KIAA0232: variants seen among roughly 807,000 people sequenced by gnomAD.
KIAA0232 encodes KIAA0232.
A neutral mutation model predicts 122.0 loss-of-function variants in KIAA0232; 27 were observed. The observed-to-expected ratio is 0.22, with a 90% CI of 0.16 to 0.31. KIAA0232 has a LOEUF of 0.31. Among genes scored for constraint, KIAA0232 ranks in the 10% least tolerant of loss-of-function variants. The pLI is 1.00. For synonymous variants in KIAA0232, 613 were observed against 587.6 expected (o/e 1.04, Z -0.63); for missense variants, 1,551 against 1,634.2 (o/e 0.95, Z 0.88).
intron 3 of KIAA0232, among the ~76,000 whole-genome samples, chr4:6,825,855 A>G (rs1439003195): frequency 6.6e-6 from 1 of 152,200 alleles, no homozygotes; most frequent in Non-Finnish European, 1.5e-5. Flanking sequence ...GAGAGCAGGA[A>G]GGGTTTCATT....
At chr4:6,849,823 CAT>C (rs1392396473) in intron 4 of KIAA0232, among the ~76,000 whole-genome samples, 1 of 151,362 alleles carries the variant, frequency 6.6e-6, no homozygotes, top group African/African-American at 2.4e-5. Context: ...AAGGAAGGAA[CAT>C]CTTTGTGGTA....
intron 4 of KIAA0232, among the ~76,000 whole-genome samples, chr4:6,844,175 C>T (rs1251550748): frequency 4.0e-5 from 6 of 151,732 alleles, no homozygotes; most frequent in East Asian, 2.0e-4. Context: ...CTCCTGACCT[C>T]GTGATCCGTC....
At chr4:6,835,158 G>A (rs1719194478) in intron 3 of KIAA0232, among the ~76,000 whole-genome samples, 1 of 152,160 alleles carries the variant, frequency 6.6e-6, no homozygotes, top group South Asian at 2.1e-4. Flanking sequence ...GTTGACCAGA[G>A]CCTCTTCATG....
intron 2 of KIAA0232, among the ~76,000 whole-genome samples, chr4:6,811,043 A>T (rs1349698715): frequency 7.9e-5 from 12 of 152,234 alleles, no homozygotes; most frequent in Non-Finnish European, 1.8e-4. Flanking sequence ...GAGTATGGCG[A>T]TTTCTTAAAG....
At position 6,832,167 on chromosome 4, in the gene KIAA0232, T is replaced by A. The variant is rs529052152; in HGVS notation, c.231+7483T>A. Among the ~76,000 whole-genome samples the A allele has an allele frequency of 4.1e-4, 62 of 152,354 alleles. 1 individual carries two copies. The South Asian group carries it at 0.011, about 26-fold the overall frequency. On this transcript the variant is annotated intron_variant, in intron 3 of 9. Transcript: ENST00000307659. ...TTAATGGCATAGTTTGGTTTTGATA[T>A]ATATTTTGTCTTATCCTCAGTCTTT... is the stretch of plus-strand genomic sequence containing the variant.
intron 4 of KIAA0232, among the ~76,000 whole-genome samples, chr4:6,851,920 C>G (rs1444182860): frequency 6.6e-6 from 1 of 152,048 alleles, no homozygotes; most frequent in East Asian, 1.9e-4. Context: ...AGATCATGTT[C>G]CCTTTATGTT....
intron 3 of KIAA0232, among the ~76,000 whole-genome samples, chr4:6,828,423 C>T (rs1718808026): frequency 6.6e-6 from 1 of 152,202 alleles, no homozygotes; most frequent in Non-Finnish European, 1.5e-5. Flanking sequence ...TTTCAGACCT[C>T]ACTAACAGCT....
At position 6,848,026 on chromosome 4, in the gene KIAA0232, A is replaced by T. The variant is rs569977646; in HGVS notation, c.369+5822A>T. Among the ~76,000 whole-genome samples, 27 of 152,296 alleles carry T rather than the reference A, an allele frequency of 1.8e-4. No individual in the cohort carries two copies. The South Asian group carries it at 4.1e-3, about 23-fold the overall frequency. On this transcript the variant is annotated intron_variant, in intron 4 of 9. Transcript: ENST00000307659. ...GTTAAAATGCAATAACTCTTCCATA[A>T]TACCATTCTTTTGGGGTGTTAGTTT... is the stretch of plus-strand genomic sequence containing the variant.
chr4:6,824,750 CA>C, intron 3 of KIAA0232, 66 bp downstream of exon 3: 2 of 1,354,512 alleles, frequency 1.5e-6, no homozygotes, highest in Non-Finnish European at 2.1e-6. Context: ...TCCTCTTAAA[CA>C]AGCACTTTTA....
At chr4:6,844,127 T>A (rs1719824972) in intron 4 of KIAA0232, among the ~76,000 whole-genome samples, 1 of 151,040 alleles carries the variant, frequency 6.6e-6, no homozygotes, top group Non-Finnish European at 1.5e-5. Context: ...TTTTTAGTAG[T>A]GATGGGGTAT....
chr4:6,836,669 G>A (rs1000645983), intron 3 of KIAA0232, among the ~76,000 whole-genome samples: 1 of 151,346 alleles, frequency 6.6e-6, no homozygotes, highest in African/African-American at 2.4e-5. Context: ...AAAGGTCTCT[G>A]GTTTTCCTAG....
chr4:6,808,404 G>A (rs1480445447), intron 2 of KIAA0232, among the ~76,000 whole-genome samples: 2 of 150,378 alleles, frequency 1.3e-5, no homozygotes, highest in Non-Finnish European at 2.9e-5. Flanking sequence ...AGCAATGTGA[G>A]TATGAACTTT....
At chr4:6,873,971 C>G (rs1721625411) in intron 8 of KIAA0232, among the ~76,000 whole-genome samples, 2 of 152,178 alleles carry the variant, frequency 1.3e-5, no homozygotes, top group African/African-American at 4.8e-5. Context: ...GGATATGATT[C>G]ATCACAAGCA....
chr4:6,790,441 C>G (rs570343581), intron 1 of KIAA0232, among the ~76,000 whole-genome samples: 34 of 137,460 alleles, frequency 2.5e-4, no homozygotes, highest in African/African-American at 9.1e-4. Flanking sequence ...GTCACCGAGG[C>G]TGGAGTGCGG....
intron 4 of KIAA0232, among the ~76,000 whole-genome samples, chr4:6,848,828 C>T (rs556142062): frequency 6.6e-6 from 1 of 152,332 alleles, no homozygotes; most frequent in South Asian, 2.1e-4. Flanking sequence ...GCTGTGCTCT[C>T]TCTACAGACC....
chr4:6,874,971 G>A (rs1375259918), intron 8 of KIAA0232, among the ~76,000 whole-genome samples: 1 of 152,224 alleles, frequency 6.6e-6, no homozygotes, highest in Non-Finnish European at 1.5e-5. Flanking sequence ...GGGCCTGCCT[G>A]CCTCTGAGCT....
At chr4:6,878,830 T>C (rs1484454952) in intron 9 of KIAA0232, among the ~76,000 whole-genome samples, 1 of 152,218 alleles carries the variant, frequency 6.6e-6, no homozygotes. Flanking sequence ...CTGTGAGAAC[T>C]GTCTGCCCAA....
At chr4:6,836,418 T>C (rs917404318) in intron 3 of KIAA0232, among the ~76,000 whole-genome samples, 4 of 151,632 alleles carry the variant, frequency 2.6e-5, no homozygotes, top group African/African-American at 9.7e-5. Context: ...TCCTAACACT[T>C]TCCCCCCATT....
At chr4:6,857,780 T>C (rs1156722411) in intron 5 of KIAA0232, among the ~76,000 whole-genome samples, 1 of 152,236 alleles carries the variant, frequency 6.6e-6, no homozygotes, top group Non-Finnish European at 1.5e-5. Flanking sequence ...TTTTCTAACT[T>C]GTTTGCAATC....
Sources: gnomAD v4.1 joint callset for allele counts (sites outside exome capture counted in the v4.1 genomes callset) on GRCh38, gnomAD v4.1.1 for gene constraint, MANE v1.5 for transcripts, NCBI Gene and HGNC (gene_info 2026-07-23, HGNC 2026-07-21) for gene names.